Variants in LTN1 observed in about 807,000 individuals in gnomAD.
The protein encoded by LTN1 is E3 ubiquitin-protein ligase listerin.
Under a neutral mutation model 201.2 loss-of-function variants are expected in LTN1, and 88 were observed. The observed-to-expected ratio is 0.44, with a 90% CI of 0.37 to 0.52. The LOEUF is 0.52. Ranked by LOEUF, LTN1 falls within the 20% of genes least tolerant of loss-of-function variation. LTN1 has a pLI of 0.00. For missense variants in LTN1, 1,752 were observed against 2,038.7 expected (o/e 0.86, Z 2.71); for synonymous variants, 645 against 713.5 (o/e 0.90, Z 1.53).
In LTN1 at chr21:28,966,621, A is replaced by G; in HGVS notation, c.1870T>C (p.Phe624Leu). 4 of 1,614,090 alleles carry G rather than the reference A, an allele frequency of 2.5e-6. No homozygotes were observed. Among genetic ancestry groups the G allele is most frequent in the Non-Finnish European group, 2.5e-6 (3 of 1,180,002 alleles). Residue 624 changes from phenylalanine to leucine, a missense_variant, in exon 10 of 30, where the codon TTT becomes CTT. By Grantham distance (22) the Phe-to-Leu change is conservative. Transcript: ENST00000361371. The part of the protein sequence containing the change: ...LRFLSTLLDS[F>L]SSSRVFKMLL... ...ATTTTAAATACTCGGCTTGAAGAAA[A>G]GGAGTCAAGCAGAGTAGAAAGAAAC...
intron 11 of LTN1, among the ~76,000 whole-genome samples, chr21:28,963,617 A>T (rs1030738306): frequency 1.3e-5 from 2 of 152,246 alleles, no homozygotes; most frequent in African/African-American, 4.8e-5. Flanking sequence ...CTGCTAACAC[A>T]ACATCCATTC....
chr21:28,978,335 T>C (rs1027532070), intron 6 of LTN1, among the ~76,000 whole-genome samples: 1 of 152,100 alleles, frequency 6.6e-6, no homozygotes, highest in Admixed American at 6.5e-5. Flanking sequence ...CCCAGCAATA[T>C]ATAAGAACTT....
Position 28,984,903 on chromosome 21 carries a change from C to G in LTN1, c.365G>C (p.Arg122Pro), listed in dbSNP as rs1383229820. ...TTCAAAAGCTTGTTGTGTGGCTTCT[C>G]GGACGCGACGGTCATGATCCTATTA... is the stretch of plus-strand genomic sequence containing the variant. The part of the protein sequence containing the change: ...KISLDHDRRV[R>P]EATQQAFEKL... The change falls in exon 4 of 30, where the codon CGA (arginine) becomes CCA (proline). Residue 122 changes from arginine (R) to proline (P), a missense_variant. Arg to Pro is a moderately radical substitution (Grantham distance 103). Around this residue, in one of 3 missense-constraint regions of LTN1, gnomAD observed 280 missense variants for 375.7 expected, o/e 0.75. Transcript: ENST00000361371. 3 of 1,613,328 alleles carry G rather than the reference C, an allele frequency of 1.9e-6. No individual in the cohort carries two copies. The highest frequency in any genetic ancestry group is 2.5e-6 in the Non-Finnish European group (3 of 1,179,522).
chr21:28,969,102 T>C (rs1216546246), intron 9 of LTN1, among the ~76,000 whole-genome samples: 1 of 151,498 alleles, frequency 6.6e-6, no homozygotes, highest in Non-Finnish European at 1.5e-5. Context: ...GTGCCTGTAA[T>C]CCCAGCTACT....
rs776213616 is a variant in LTN1 at position 28,953,336 on chromosome 21, T to C, written c.3120A>G (p.Leu1040=). The C allele has an allele frequency of 5.6e-6, 9 of 1,605,862 alleles. No homozygotes were observed. The highest frequency in any genetic ancestry group is 6.8e-6 in the Non-Finnish European group (8 of 1,178,040). The change falls in exon 17 of 30, where the codon TTA becomes TTG. Residue 1040 remains leucine (L), a synonymous_variant. Transcript: ENST00000361371. The stretch of plus-strand genomic sequence containing the variant: ...CAATTAGAAAAATAGGTGGGTTATC[T>C]AATTCTTCACACCACTGCAGTGAAT... ...LLYSLQWCEE[L]DNPPIFLIGF...
At position 28,930,474 on chromosome 21, in the gene LTN1, G is replaced by A. The variant is rs775693580; in HGVS notation, c.5275C>T (p.Pro1759Ser). Residue 1759 changes from proline to serine, a missense_variant, in exon 30 of 30, where the codon CCA becomes TCA. Transcript: ENST00000361371. ...WFTSSNKSTCPLCRETFF is the reference protein window; with the variant it reads ...WFTSSNKSTCSLCRETFF Reference sequence around the variant, plus strand: ...CAGAAAAACGTCTCACGACACAGTGGACAAGTGGATTTGTTGCTAGATGTA... The same window carrying A: ...CAGAAAAACGTCTCACGACACAGTGAACAAGTGGATTTGTTGCTAGATGTA... 6.2e-7 allele frequency: 1 copy of A among 1,613,156 alleles called. No homozygotes were observed. Among genetic ancestry groups the A allele is most frequent in the South Asian group, 1.1e-5 (1 of 90,946 alleles).
chr21:28,953,069 C>A (rs1302078457), intron 17 of LTN1, 148 bp downstream of exon 17: 1 of 475,176 alleles, frequency 2.1e-6, no homozygotes, highest in African/African-American at 2.0e-5. Flanking sequence ...ATTTAGAATT[C>A]ATAAACTATT....
chr21:28,948,471 C>A (rs2084358836), intron 18 of LTN1, among the ~76,000 whole-genome samples: 1 of 151,328 alleles, frequency 6.6e-6, no homozygotes, highest in South Asian at 2.1e-4. Flanking sequence ...TGGGGTTTTA[C>A]CATGTTAGTC....
At position 28,992,845 on chromosome 21, in the gene LTN1, G is replaced by C. The variant is rs770332896; in HGVS notation, c.-40C>G. On this transcript the variant is annotated 5_prime_UTR_variant, in exon 1 of 30. Coordinates refer to ENST00000361371, the MANE Select transcript of LTN1 (RefSeq NM_015565.3). ...CTGTACTCTGAGCACTCAGACCCCG[G>C]TTGACACGTCCGGGACACAACTTCC... 10 of 1,614,144 alleles carry C rather than the reference G, an allele frequency of 6.2e-6. No homozygotes were observed. The highest frequency in any genetic ancestry group is 1.1e-5 in the South Asian group (1 of 91,064).
chr21:28,975,740 T>C (rs1236837458), intron 6 of LTN1, among the ~76,000 whole-genome samples: 1 of 152,174 alleles, frequency 6.6e-6, no homozygotes, highest in Non-Finnish European at 1.5e-5. Context: ...CATGAGGATA[T>C]GGAGCAACTA....
At chr21:28,974,904 A>T (rs542991845) in intron 6 of LTN1, among the ~76,000 whole-genome samples, 1 of 152,262 alleles carries the variant, frequency 6.6e-6, no homozygotes, top group East Asian at 1.9e-4. Context: ...CTAAAACAAG[A>T]AATGAACTGA....
intron 18 of LTN1, among the ~76,000 whole-genome samples, chr21:28,948,404 G>A (rs372318322): frequency 2.7e-5 from 4 of 150,124 alleles, no homozygotes; most frequent in South Asian, 4.2e-4. Flanking sequence ...CAAATAGCTC[G>A]GATTACAGGC....
intron 4 of LTN1, among the ~76,000 whole-genome samples, chr21:28,984,387 A>G (rs1180528450): frequency 6.6e-6 from 1 of 152,068 alleles, no homozygotes; most frequent in Non-Finnish European, 1.5e-5. Flanking sequence ...ATAATTTTAG[A>G]TTTATTTTTA....
chr21:28,950,112 TAA>T (rs2084370890), intron 18 of LTN1, among the ~76,000 whole-genome samples: 1 of 152,204 alleles, frequency 6.6e-6, no homozygotes. Flanking sequence ...AACAGTTTAC[TAA>T]GTTTTTCAAA....
rs148112648 is a variant in LTN1 at position 28,982,173 on chromosome 21, C to T, written c.629+143G>A. Reference sequence around the variant, plus strand: ...TGGAGGTTGCAGTGAGCTGAGACTGCGCCACTGCAATCCAGCCTGGGTGAC... The same window carrying T: ...TGGAGGTTGCAGTGAGCTGAGACTGTGCCACTGCAATCCAGCCTGGGTGAC... On this transcript the variant is annotated intron_variant, in intron 5 of 29. Coordinates refer to ENST00000361371, the MANE Select transcript of LTN1 (RefSeq NM_015565.3). The T allele has an allele frequency of 1.3e-4, 80 of 635,712 alleles. No homozygotes were observed. The East Asian group carries it at 1.8e-3, about 14-fold the overall frequency. The allele number at this position is 635,712 out of a possible 1,614,324, so 39.4% of individuals were successfully genotyped here.
At chr21:28,992,630 CAG>C in intron 1 of LTN1, 132 bp downstream of exon 1, 2 of 915,526 alleles carry the variant, frequency 2.2e-6, no homozygotes, top group East Asian at 2.6e-5. Context: ...GCACACACAA[CAG>C]AGAGGTCACA....
At chr21:28,973,448 A>G (rs1410458555) in intron 6 of LTN1, among the ~76,000 whole-genome samples, 1 of 151,926 alleles carries the variant, frequency 6.6e-6, no homozygotes, top group East Asian at 1.9e-4. Flanking sequence ...TGAGAGTATA[A>G]TATTTTGTGA....
intron 4 of LTN1, among the ~76,000 whole-genome samples, chr21:28,983,758 A>C (rs2084676254): frequency 6.6e-6 from 1 of 152,246 alleles, no homozygotes; most frequent in Non-Finnish European, 1.5e-5. Flanking sequence ...GGTGTTGTGG[A>C]AACACAGGAG....
At chr21:28,975,460 C>G (rs1373896214) in intron 6 of LTN1, among the ~76,000 whole-genome samples, 1 of 152,102 alleles carries the variant, frequency 6.6e-6, no homozygotes, top group Non-Finnish European at 1.5e-5. Flanking sequence ...TTCCAGAGGT[C>G]AGTAAACATT....
Sources: gnomAD v4.1 joint callset for allele counts (sites outside exome capture counted in the v4.1 genomes callset) on GRCh38, gnomAD v4.1.1 for gene constraint, gnomAD v4.1.1 regional missense constraint, MANE v1.5 for transcripts, NCBI Gene and HGNC (gene_info 2026-07-23, HGNC 2026-07-21) for gene names.